The following MYO3B variants were observed in gnomAD, a reference collection of about 807,000 sequenced individuals.
MYO3B encodes myosin-IIIb.
MYO3B carries 156 observed loss-of-function variants against 174.6 expected under a neutral mutation model. The ratio of observed to expected loss-of-function variants is 0.89; its 90% CI spans 0.78 to 1.02. The LOEUF (loss-of-function observed/expected upper bound fraction) is 1.02, where lower values mean the gene tolerates loss of function less well. Ranked by LOEUF, MYO3B falls within the 50% of genes least tolerant of loss-of-function variation. MYO3B has a pLI of 0.00. For synonymous variants in MYO3B, 563 were observed against 569.1 expected, an observed-to-expected ratio of 0.99 and a Z score of 0.15; for missense variants, 1,632 against 1,639.4, an observed-to-expected ratio of 1.00 and a Z score of 0.08.
chr2:170,437,418 T>C (rs968519267), intron 22 of MYO3B, among the ~76,000 whole-genome samples: 21 of 152,152 alleles, frequency 1.4e-4, no homozygotes, highest in African/African-American at 4.3e-4. Flanking sequence ...GGAAGGTTTT[T>C]TCTGACCTTC....
chr2:170,581,426 C>T (rs1387531158), intron 32 of MYO3B, among the ~76,000 whole-genome samples: 1 of 152,214 alleles, frequency 6.6e-6, no homozygotes, highest in East Asian at 1.9e-4. Flanking sequence ...TGTGCCTTGC[C>T]TTCTGTATGT....
In MYO3B at chr2:170,606,132, G is replaced by A. The variant is rs553364986; in HGVS notation, c.3734-45496G>A. Among the ~76,000 whole-genome samples the A allele has an allele frequency of 1.1e-4, 17 of 152,156 alleles. No homozygotes were observed. The South Asian group carries it at 3.3e-3, about 30-fold the overall frequency. On this transcript the variant is annotated intron_variant, in intron 32 of 34. Coordinates refer to ENST00000408978, the MANE Select transcript of MYO3B (RefSeq NM_138995.5). ...GTACGTATATGGGACTCCCAGCAGA[G>A]ACAGTGATCAGCGTTGAAGAAATAA...
intron 32 of MYO3B, among the ~76,000 whole-genome samples, chr2:170,650,911 T>G (rs1022170855): frequency 2.6e-5 from 4 of 151,986 alleles, no homozygotes; most frequent in Non-Finnish European, 4.4e-5. Context: ...CTCGAACTCC[T>G]GACCTCATGA....
intron 7 of MYO3B, among the ~76,000 whole-genome samples, chr2:170,304,764 G>T (rs2093689605): frequency 6.6e-6 from 1 of 151,822 alleles, no homozygotes; most frequent in African/African-American, 2.4e-5. Flanking sequence ...ATCGCATCCG[G>T]CCCTTTTCAT....
chr2:170,267,892 T>G (rs2093395979), intron 7 of MYO3B, among the ~76,000 whole-genome samples: 1 of 152,096 alleles, frequency 6.6e-6, no homozygotes, highest in Non-Finnish European at 1.5e-5. Context: ...GAATCCATGT[T>G]GTAGGGAAAA....
Position 170,335,365 on chromosome 2 carries a change from A to C in MYO3B, c.750-20A>C. 1 of 1,589,708 alleles carries C rather than the reference A, an allele frequency of 6.3e-7. No homozygotes were observed. The highest frequency in any genetic ancestry group is 8.6e-7 in the Non-Finnish European group (1 of 1,164,292). ...ATGAAATTCTTCTTTCTTAAGAAAA[A>C]ATTGCTGTTATTTTTTCAGAAATCC... On this transcript the variant is annotated intron_variant, in intron 7 of 34. Transcript: ENST00000408978.
chr2:170,447,199 T>C (rs906443215), intron 23 of MYO3B, among the ~76,000 whole-genome samples: 1 of 152,202 alleles, frequency 6.6e-6, no homozygotes, highest in Non-Finnish European at 1.5e-5. Context: ...TGTTTGGGGA[T>C]AGCATGTCCT....
At chr2:170,285,519 C>T (rs992729061) in intron 7 of MYO3B, among the ~76,000 whole-genome samples, 1 of 152,000 alleles carries the variant, frequency 6.6e-6, no homozygotes, top group African/African-American at 2.4e-5. Flanking sequence ...TGCCACTATG[C>T]CCAGCTAATT....
chr2:170,603,498 G>A (rs1694640735), intron 32 of MYO3B, among the ~76,000 whole-genome samples: 1 of 151,948 alleles, frequency 6.6e-6, no homozygotes, highest in South Asian at 2.1e-4. Context: ...TATTCCTGTG[G>A]CATTGATTAG....
At chr2:170,541,410 G>T (rs1001502693) in intron 30 of MYO3B, among the ~76,000 whole-genome samples, 4 of 152,162 alleles carry the variant, frequency 2.6e-5, no homozygotes, top group Admixed American at 1.3e-4. Flanking sequence ...AGGATTTGGA[G>T]TCAGACAAAC....
At chr2:170,464,574 C>T (rs963098117) in intron 24 of MYO3B, among the ~76,000 whole-genome samples, 4 of 151,968 alleles carry the variant, frequency 2.6e-5, no homozygotes, top group Non-Finnish European at 5.9e-5. Flanking sequence ...ATCTAAAACG[C>T]GGAAGTCCAG....
chr2:170,191,018 C>T (rs1028085165), intron 1 of MYO3B, among the ~76,000 whole-genome samples: 8 of 151,960 alleles, frequency 5.3e-5, no homozygotes, highest in Admixed American at 2.0e-4. Flanking sequence ...TGGGTACCAC[C>T]GCTGAATATT....
At chr2:170,533,963 A>G (rs1234260756) in intron 30 of MYO3B, among the ~76,000 whole-genome samples, 1 of 152,210 alleles carries the variant, frequency 6.6e-6, no homozygotes, top group Non-Finnish European at 1.5e-5. Flanking sequence ...AAAATGCAAG[A>G]TACCCACTTA....
At chr2:170,198,207 A>G (rs2092621854) in intron 1 of MYO3B, among the ~76,000 whole-genome samples, 1 of 151,570 alleles carries the variant, frequency 6.6e-6, no homozygotes, top group East Asian at 1.9e-4. Flanking sequence ...TGCTAACGTC[A>G]AGGCCCACTT....
At chr2:170,580,756 G>GTGTA (rs1693092858) in intron 32 of MYO3B, among the ~76,000 whole-genome samples, 1 of 151,200 alleles carries the variant, frequency 6.6e-6, no homozygotes, top group Non-Finnish European at 1.5e-5. Flanking sequence ...GTGTGTGTGT[G>GTGTA]TGTATGAAAG....
intron 30 of MYO3B, among the ~76,000 whole-genome samples, chr2:170,536,951 C>T (rs1201359159): frequency 6.6e-6 from 1 of 152,072 alleles, no homozygotes; most frequent in Non-Finnish European, 1.5e-5. Context: ...CCTGTAATCC[C>T]AGCACTTTGG....
intron 9 of MYO3B, among the ~76,000 whole-genome samples, chr2:170,377,681 T>C (rs558499363): frequency 4.1e-4 from 63 of 152,284 alleles, no homozygotes; most frequent in Middle Eastern, 3.4e-3. Flanking sequence ...TCGCAAACTC[T>C]GTTTGTCTGA....
intron 28 of MYO3B, among the ~76,000 whole-genome samples, chr2:170,508,292 A>G (rs547255763): frequency 6.6e-6 from 1 of 152,292 alleles, no homozygotes; most frequent in African/African-American, 2.4e-5. Flanking sequence ...ATGAAACAAC[A>G]TTATTATGAT....
chr2:170,491,742 T>G (rs1336296322), intron 25 of MYO3B, among the ~76,000 whole-genome samples: 3 of 152,232 alleles, frequency 2.0e-5, no homozygotes, highest in Non-Finnish European at 2.9e-5. Context: ...TTTTAATTTA[T>G]GAAGTCATGT....
Sources: gnomAD v4.1 joint callset for allele counts (sites outside exome capture counted in the v4.1 genomes callset) on GRCh38, gnomAD v4.1.1 for gene constraint, MANE v1.5 for transcripts, NCBI Gene and HGNC (gene_info 2026-07-23, HGNC 2026-07-21) for gene names.